XRRA1: variants seen among roughly 807,000 people sequenced by gnomAD.
XRRA1 encodes X-ray radiation resistance associated 1.
A neutral mutation model predicts 80.2 loss-of-function variants in XRRA1; 69 were observed. The ratio of observed to expected loss-of-function variants is 0.86; its 90% CI spans 0.71 to 1.05. The LOEUF is 1.05. Among genes scored for constraint, XRRA1 ranks in the 50% least tolerant of loss-of-function variants. The pLI is 0.00. For missense variants in XRRA1, 967 were observed against 976.4 expected (o/e 0.99, Z 0.13); for synonymous variants, 348 against 389.9 (o/e 0.89, Z 1.27).
Position 74,947,969 on chromosome 11 carries a change from C to T in XRRA1, c.-73+959G>A, listed in dbSNP as rs202067027. 5.9e-5 allele frequency among the ~76,000 whole-genome samples: 9 copies of T among 152,140 alleles called. No homozygotes were observed. The East Asian group carries it at 7.7e-4, about 13-fold the overall frequency. On this transcript the variant is annotated intron_variant, in intron 1 of 18. Coordinates refer to ENST00000684022, the MANE Select transcript of XRRA1 (RefSeq NM_001378157.1). ...TTAACTCCTGACCTCAGGTGATCCGCCTGCCTTGGCGGGGATTACAACCAT... is the reference window on the plus strand; with the variant it reads ...TTAACTCCTGACCTCAGGTGATCCGTCTGCCTTGGCGGGGATTACAACCAT...
At chr11:74,933,580 T>C (rs926914583) in intron 5 of XRRA1, 6 of 466,792 alleles carry the variant, frequency 1.3e-5, no homozygotes, top group Non-Finnish European at 1.9e-5. Context: ...CTTTAATTCA[T>C]ATCAAATAGG....
At chr11:74,928,659 C>A (rs1196966841) in intron 6 of XRRA1, among the ~76,000 whole-genome samples, 1 of 152,106 alleles carries the variant, frequency 6.6e-6, no homozygotes, top group Non-Finnish European at 1.5e-5. Context: ...TCTAAGTGAA[C>A]CTGATGTTAA....
Position 74,940,816 on chromosome 11 carries a change from T to G in XRRA1, c.63A>C (p.Pro21=). ...DGKPYLNNCF[P]ARNLLRVPEE... The stretch of plus-strand genomic sequence containing the variant: ...CCGGCACGCGAAGCAGATTTCTGGC[T>G]GGGAAGCAGTTGTTCAGGTAAGGCT... The change falls in exon 3 of 19, where the codon CCA becomes CCC. Residue 21 remains proline (P), a synonymous_variant. Transcript: ENST00000684022. The G allele has an allele frequency of 1.2e-6, 2 of 1,608,998 alleles. No individual in the cohort carries two copies. The highest frequency in any genetic ancestry group is 1.7e-6 in the Non-Finnish European group (2 of 1,177,838).
At chr11:74,868,417 C>T (rs1188819507) in intron 10 of XRRA1, among the ~76,000 whole-genome samples, 3 of 152,188 alleles carry the variant, frequency 2.0e-5, no homozygotes, top group Non-Finnish European at 4.4e-5. Flanking sequence ...CCGGCCACTA[C>T]AAAAACACAC....
rs1299915237 is a variant in XRRA1, at chr11:74,840,939, G to C, written c.*2261C>G. 1 of 151,894 alleles carries C rather than the reference G, an allele frequency of 6.6e-6. No homozygotes were observed. The highest frequency in any genetic ancestry group is 1.9e-4 in the East Asian group (1 of 5,198). The allele number at this position is 151,894 out of a possible 1,614,324, so 9.4% of individuals were successfully genotyped here. On this transcript the variant is annotated 3_prime_UTR_variant, in exon 19 of 19. Transcript: ENST00000684022. ...GGGGATACCCCCAAATGATTTAGGA[G>C]GTTATTTTATTTTAATAGTTTTTTC...
chr11:74,869,425 A>T (rs2136189073), intron 10 of XRRA1, among the ~76,000 whole-genome samples: 1 of 152,340 alleles, frequency 6.6e-6, no homozygotes, highest in Admixed American at 6.5e-5. Context: ...TTTCTAACAA[A>T]GAGCAGCCTG....
intron 10 of XRRA1, among the ~76,000 whole-genome samples, chr11:74,904,864 TAAC>T (rs563453156): frequency 4.4e-4 from 34 of 77,952 alleles, no homozygotes; most frequent in African/African-American, 1.6e-3. Flanking sequence ...ACAAACCTAA[TAAC>T]AGAGAACCAA....
At chr11:74,934,063 C>A (rs577501687) in intron 4 of XRRA1, among the ~76,000 whole-genome samples, 191 bp from the exon 5 acceptor site, 1 of 152,170 alleles carries the variant, frequency 6.6e-6, no homozygotes, top group African/African-American at 2.4e-5. Flanking sequence ...CTAAATTGGG[C>A]CATACGCTTT....
intron 6 of XRRA1, 97 bp downstream of exon 6, chr11:74,930,203 G>T: frequency 2.0e-6 from 2 of 1,015,470 alleles, no homozygotes; most frequent in Non-Finnish European, 3.0e-6. Context: ...GAGATGTGTG[G>T]CCAATCATAG....
At chr11:74,889,029 A>G (rs1352236069) in intron 10 of XRRA1, among the ~76,000 whole-genome samples, 1 of 152,226 alleles carries the variant, frequency 6.6e-6, no homozygotes, top group African/African-American at 2.4e-5. Context: ...GCAGGCCAAC[A>G]TTCAAATTCA....
intron 2 of XRRA1, among the ~76,000 whole-genome samples, chr11:74,941,290 C>T (rs78684754): frequency 0.031 from 4,736 of 152,160 alleles, 101 homozygotes; most frequent in Non-Finnish European, 0.048. Flanking sequence ...AAAGACAGTG[C>T]CTAATACATA....
chr11:74,874,233 CAAAAAAAAAA>C lies in XRRA1; in HGVS notation c.1004-11222_1004-11213del, dbSNP rs367875228. ...CCTGGGTGACAGCAAGACTCCGTCT[CAAAAAAAAAA>C]AAAAAAAAAAAAAAAAAAAGAAAGA... On this transcript the variant is annotated intron_variant, in intron 10 of 18. Coordinates refer to ENST00000684022, the MANE Select transcript of XRRA1 (RefSeq NM_001378157.1). 7.3e-3 allele frequency among the ~76,000 whole-genome samples: 351 copies of C among 48,342 alleles called. 1 individual carries two copies. The highest frequency in any genetic ancestry group is 0.013 in the African/African-American group (170 of 13,166). The allele number at this position is 48,342 out of a possible 152,430, so 31.7% of individuals were successfully genotyped here.
intron 10 of XRRA1, among the ~76,000 whole-genome samples, chr11:74,887,362 A>T (rs982080579): frequency 6.6e-6 from 1 of 152,246 alleles, no homozygotes; most frequent in African/African-American, 2.4e-5. Context: ...AGGTACTTAA[A>T]TTTATAAGCA....
chr11:74,877,906 A>G (rs534964942), intron 10 of XRRA1, among the ~76,000 whole-genome samples: 117 of 152,108 alleles, frequency 7.7e-4, no homozygotes, highest in African/African-American at 2.8e-3. Context: ...TATTGTGAAT[A>G]ATGCTGCAAT....
At chr11:74,875,912 C>G (rs1313475198) in intron 10 of XRRA1, among the ~76,000 whole-genome samples, 1 of 152,148 alleles carries the variant, frequency 6.6e-6, no homozygotes, top group Admixed American at 6.5e-5. Flanking sequence ...CCTTCCTCCT[C>G]AAACCTAAAG....
At chr11:74,862,534 A>G (rs183264836) in intron 11 of XRRA1, among the ~76,000 whole-genome samples, 6 of 152,376 alleles carry the variant, frequency 3.9e-5, no homozygotes, top group Admixed American at 3.9e-4. Flanking sequence ...ATGAAAATCA[A>G]GGGTCTAAGC....
chr11:74,935,833 A>T (rs1944838864), intron 4 of XRRA1, among the ~76,000 whole-genome samples: 1 of 152,186 alleles, frequency 6.6e-6, no homozygotes, highest in Non-Finnish European at 1.5e-5. Context: ...CAAGACGGGT[A>T]ACAAGCTGTA....
In XRRA1 at chr11:74,948,133, T is replaced by C. The variant is rs551104432; in HGVS notation, c.-73+795A>G. 7.2e-5 allele frequency among the ~76,000 whole-genome samples: 11 copies of C among 152,376 alleles called. No homozygotes were observed. The East Asian group carries it at 7.7e-4, about 11-fold the overall frequency. On this transcript the variant is annotated intron_variant, in intron 1 of 18. Transcript: ENST00000684022. ...TTACATAGTAAGAAACTCAAAAATA[T>C]TTGTTTAATTCTTTAGACGCTTATG...
At chr11:74,877,643 T>C (rs1479582805) in intron 10 of XRRA1, among the ~76,000 whole-genome samples, 9 of 125,954 alleles carry the variant, frequency 7.1e-5, no homozygotes, top group Non-Finnish European at 1.3e-4. Context: ...CCCCAGAGTG[T>C]GATATTCCCC....
Sources: gnomAD v4.1 joint callset for allele counts (sites outside exome capture counted in the v4.1 genomes callset) on GRCh38, gnomAD v4.1.1 for gene constraint, MANE v1.5 for transcripts, NCBI Gene and HGNC (gene_info 2026-07-23, HGNC 2026-07-21) for gene names.